MGAT5B: variants seen among roughly 807,000 people sequenced by gnomAD.
The protein encoded by MGAT5B is alpha-1,6-mannosylglycoprotein 6-beta-N-acetylglucosaminyltransferase B.
MGAT5B carries 54 observed loss-of-function variants against 95.1 expected under a neutral mutation model. The ratio of observed to expected loss-of-function variants is 0.57; its 90% confidence interval spans 0.46 to 0.71. The LOEUF is 0.71. Among genes scored for constraint, MGAT5B ranks in the 30% least tolerant of loss-of-function variants. The pLI is 0.00. For missense variants in MGAT5B, 935 were observed against 1,088.6 expected (o/e 0.86, Z 1.99); for synonymous variants, 464 against 451.0 (o/e 1.03, Z -0.36).
chr17:76,948,394 G>A (rs895251558), intron 17 of MGAT5B, among the ~76,000 whole-genome samples: 8 of 152,200 alleles, frequency 5.3e-5, no homozygotes, highest in African/African-American at 1.9e-4. Flanking sequence ...AGCTGTCCCA[G>A]GTGCTCCTCC....
At position 76,869,296 on chromosome 17, in the gene MGAT5B, C is replaced by A. The variant is rs1162464808; in HGVS notation, c.68+199C>A. 6.6e-6 allele frequency among the ~76,000 whole-genome samples: 1 copy of A among 151,810 alleles called. No individual in the cohort carries two copies. Among genetic ancestry groups the A allele is most frequent in the African/African-American group, 2.4e-5 (1 of 41,322 alleles). On this transcript the variant is annotated intron_variant, in intron 1 of 17. Transcript: ENST00000569840. This position sits in a 1 kb window ranked among gnomAD's most constrained non-coding sequence, Gnocchi z 7.0. Reference sequence around the variant, plus strand: ...TGCGGATGGGGAGGGTTGTGTTATTCGGGGACCTGTCCCGAGTTGGGCAGG... The same window carrying A: ...TGCGGATGGGGAGGGTTGTGTTATTAGGGGACCTGTCCCGAGTTGGGCAGG...
Position 76,905,273 on chromosome 17 carries a change from G to T in MGAT5B, c.795G>T (p.Trp265Cys). Residue 265 changes from tryptophan to cysteine, a missense_variant, in exon 7 of 18, where the codon TGG (tryptophan) becomes TGT (cysteine). Trp to Cys is a radical substitution (Grantham distance 215). Around this residue, in one of 4 missense-constraint regions of MGAT5B, gnomAD observed 243 missense variants for 305.5 expected, o/e 0.80. Transcript: ENST00000569840. The surrounding 1 kb of genome is among the most constrained non-coding windows in gnomAD (Gnocchi z 4.2). ...KKRTKRLTAQWALAAQRLAQK... is the reference protein window; with the variant it reads ...KKRTKRLTAQCALAAQRLAQK... ...GGACCAAGAGGCTCACAGCCCAGTG[G>T]GCGCTGGCTGCCCAGCGCCTGGCAC... 6.2e-7 allele frequency: 1 copy of T among 1,611,546 alleles called. No individual in the cohort carries two copies.
Position 76,948,059 on chromosome 17 carries a change from T to A in MGAT5B, c.2153T>A (p.Phe718Tyr), listed in dbSNP as rs1970090584. The A allele has an allele frequency of 6.2e-7, 1 of 1,610,084 alleles. No homozygotes were observed. The highest frequency in any genetic ancestry group is 8.5e-7 in the Non-Finnish European group (1 of 1,178,020). The change falls in exon 17 of 18, where the codon TTC (phenylalanine) becomes TAC (tyrosine). Residue 718 changes from phenylalanine to tyrosine, a missense_variant. Phe to Tyr is a conservative substitution (Grantham distance 22). This residue lies in a region of MGAT5B where 440 missense variants were observed against 523.6 expected (regional missense o/e 0.84). Coordinates refer to ENST00000569840, the MANE Select transcript of MGAT5B (RefSeq NM_001199172.2). The part of the protein sequence containing the change: ...GLICEPSFFP[F>Y]LNSQDAFLKL... ...ATCTGTGAGCCCTCCTTCTTCCCCT[T>A]CCTGAACAGCCAGGACGCCTTCCTC...
chr17:76,883,541 A>G (rs1313601008), intron 3 of MGAT5B, among the ~76,000 whole-genome samples: 1 of 152,188 alleles, frequency 6.6e-6, no homozygotes, highest in African/African-American at 2.4e-5. Flanking sequence ...CCTGGACCTC[A>G]GAGAACAGGA....
chr17:76,927,915 G>A (rs976622115), intron 10 of MGAT5B, among the ~76,000 whole-genome samples: 1 of 152,268 alleles, frequency 6.6e-6, no homozygotes, highest in African/African-American at 2.4e-5. Flanking sequence ...GCAGAGTCCT[G>A]ACGGACTTGC....
At chr17:76,934,208 G>A (rs1478058260) in intron 12 of MGAT5B, among the ~76,000 whole-genome samples, 2 of 152,218 alleles carry the variant, frequency 1.3e-5, no homozygotes, top group Non-Finnish European at 2.9e-5. Context: ...CAGGCATTGT[G>A]CTAAGGGCTC....
chr17:76,899,911 A>G (rs924570416), intron 3 of MGAT5B, among the ~76,000 whole-genome samples: 12 of 152,096 alleles, frequency 7.9e-5, no homozygotes, highest in African/African-American at 2.4e-4. Context: ...AATAATGAGA[A>G]AAGGTTGATG....
At chr17:76,946,305 T>A (rs1490902551) in intron 15 of MGAT5B, 71 bp from the exon 16 acceptor site, 1 of 1,359,632 alleles carries the variant, frequency 7.4e-7, no homozygotes, top group Non-Finnish European at 1.0e-6. Context: ...CCACCCCCAA[T>A]GCCGAGCATG....
At chr17:76,941,628 G>A (rs891001716) in intron 15 of MGAT5B, among the ~76,000 whole-genome samples, 8 of 152,214 alleles carry the variant, frequency 5.3e-5, no homozygotes, top group Admixed American at 2.0e-4. Flanking sequence ...GGGAGGCCGA[G>A]GCGGGCAGCT....
Position 76,906,313 on chromosome 17 carries a change from C to CT in MGAT5B, c.1025+127dup. On this transcript the variant is annotated intron_variant, in intron 8 of 17. Coordinates refer to ENST00000569840, the MANE Select transcript of MGAT5B (RefSeq NM_001199172.2). This position sits in a 1 kb window ranked among gnomAD's most constrained non-coding sequence, Gnocchi z 4.6. ...CTGCAGGTCCCACGGCCCTGAGACCCTGGGAGACATCCTGGTGTTCCGCAG... is the reference window on the plus strand; with the variant it reads ...CTGCAGGTCCCACGGCCCTGAGACCCTTGGGAGACATCCTGGTGTTCCGCAG... 1.2e-6 allele frequency: 1 copy of CT among 844,806 alleles called. No individual in the cohort carries two copies. The highest frequency in any genetic ancestry group is 1.8e-5 in the South Asian group (1 of 55,038). 52.3% of individuals were successfully genotyped at this position (844,806 alleles called of 1,614,324 possible). A position where few individuals can be genotyped will look rare whatever the true frequency, so the allele number is the denominator to read the frequency against.
At chr17:76,934,456 A>G (rs1424502156) in intron 12 of MGAT5B, among the ~76,000 whole-genome samples, 1 of 152,218 alleles carries the variant, frequency 6.6e-6, no homozygotes, top group Non-Finnish European at 1.5e-5. Flanking sequence ...AAGGCTTGAA[A>G]GCAGGAATCA....
At chr17:76,935,410 GTGTTTAACTTTTTTTAAAAGTTAT>G in intron 12 of MGAT5B, among the ~76,000 whole-genome samples, 1 of 52,428 alleles carries the variant, frequency 1.9e-5, no homozygotes, top group African/African-American at 5.6e-5. Flanking sequence ...CTGTAGAAGT[GTGTTTAACTTTTTTTAAAAGTTAT>G]TACGAGGCTT....
chr17:76,885,673 C>T (rs1327337840), intron 3 of MGAT5B, among the ~76,000 whole-genome samples: 2 of 152,228 alleles, frequency 1.3e-5, no homozygotes, highest in East Asian at 1.9e-4. Context: ...ACCGGCAGAG[C>T]CCATCACACC....
intron 13 of MGAT5B, among the ~76,000 whole-genome samples, chr17:76,939,487 C>CT (rs1334766770): frequency 6.6e-6 from 1 of 151,808 alleles, no homozygotes; most frequent in Admixed American, 6.6e-5. Flanking sequence ...GCACTCCAGC[C>CT]TGGTGACAGA....
chr17:76,932,079 T>TCCCC (rs1598986130), intron 10 of MGAT5B, among the ~76,000 whole-genome samples: 1 of 82,268 alleles, frequency 1.2e-5, no homozygotes, highest in African/African-American at 5.4e-5. Flanking sequence ...CTCCTCCTCC[T>TCCCC]CCTCCTCCCC....
chr17:76,922,471 G>C (rs1969150412), intron 8 of MGAT5B, among the ~76,000 whole-genome samples: 1 of 152,202 alleles, frequency 6.6e-6, no homozygotes, highest in African/African-American at 2.4e-5. Flanking sequence ...TTTTACTGGA[G>C]GAGTTTTGGG....
chr17:76,943,674 C>A (rs1246763570), intron 15 of MGAT5B, among the ~76,000 whole-genome samples: 1 of 151,870 alleles, frequency 6.6e-6, no homozygotes, highest in East Asian at 1.9e-4. Context: ...CTCCTGGGCA[C>A]AAGCAATCCT....
chr17:76,873,772 G>A (rs1219627505), intron 2 of MGAT5B, among the ~76,000 whole-genome samples: 1 of 152,208 alleles, frequency 6.6e-6, no homozygotes, highest in Non-Finnish European at 1.5e-5. Context: ...TGGTCAAAAG[G>A]AGGGACATGG....
rs148567640 is a variant in MGAT5B, at chr17:76,880,010, C to T, written c.182-2141C>T. Reference sequence around the variant, plus strand: ...CATCTAACGCTAGTATGAAATTTCCCGGTCCCAGCTGAGTTTTTGAAAATC... The same window carrying T: ...CATCTAACGCTAGTATGAAATTTCCTGGTCCCAGCTGAGTTTTTGAAAATC... On this transcript the variant is annotated intron_variant, in intron 2 of 17. Transcript: ENST00000569840. 6.1e-4 allele frequency among the ~76,000 whole-genome samples: 93 copies of T among 152,272 alleles called. 2 individuals are homozygous for T. In the East Asian group the frequency reaches 0.017, roughly 28 times the overall value.
Sources: allele counts gnomAD v4.1 joint callset (sites outside exome capture counted in the v4.1 genomes callset), GRCh38; gene constraint gnomAD v4.1.1; regional missense constraint gnomAD v4.1.1; non-coding constraint Gnocchi (gnomAD v3.1); transcripts MANE v1.5; gene names NCBI Gene and HGNC (gene_info 2026-07-23, HGNC 2026-07-21).